The following OR1B1 variants were observed in gnomAD, a reference collection of about 807,000 sequenced individuals.
The protein encoded by OR1B1 is olfactory receptor family 1 subfamily B member 1.
For missense variants in OR1B1, 414 were observed against 402.1 expected, an observed-to-expected ratio of 1.03 and a Z score of -0.25; for synonymous variants, 168 against 156.2, an observed-to-expected ratio of 1.08 and a Z score of -0.57.
At chr9:122,629,770 C>T (rs1413415664), upstream of OR1B1, among the ~76,000 whole-genome samples, 25 of 152,126 alleles carry the variant, frequency 1.6e-4, no homozygotes, top group Non-Finnish European at 2.1e-4. Flanking sequence ...TGACTTGTTC[C>T]ATCTAATTCA....
upstream of OR1B1, chr9:122,629,668 G>GACC: frequency 1.7e-6 from 1 of 596,938 alleles, no homozygotes; most frequent in Non-Finnish European, 2.9e-6. Flanking sequence ...ATTCGAACTT[G>GACC]ACCATCTACT....
chr9:122,647,002 A>G, the OR1B1 span, among the ~76,000 whole-genome samples: 3 of 152,302 alleles, frequency 2.0e-5, no homozygotes, highest in South Asian at 6.2e-4. Context: ...TTAGGTTGTC[A>G]TAAGTTTAAA....
chr9:122,629,291 T>C, exon 1 of OR1B1: 1 of 1,614,072 alleles, frequency 6.2e-7, no homozygotes, highest in Non-Finnish European at 8.5e-7. Flanking sequence ...GGCCAGCAAC[T>C]GGGGCAGTGT....
chr9:122,633,604 A>AAAT (rs911473606), upstream of OR1B1, among the ~76,000 whole-genome samples: 31 of 152,000 alleles, frequency 2.0e-4, no homozygotes, highest in South Asian at 4.2e-4. Context: ...CTCAATAGCA[A>AAAT]AATAATAATA....
At chr9:122,636,476 C>G in the OR1B1 span, among the ~76,000 whole-genome samples, 1 of 152,112 alleles carries the variant, frequency 6.6e-6, no homozygotes, top group Non-Finnish European at 1.5e-5. Context: ...ATTAGCCGAG[C>G]CTGGTGGCAG....
At chr9:122,631,679 G>A (rs62579223), upstream of OR1B1, among the ~76,000 whole-genome samples, 12,914 of 152,198 alleles carry the variant, frequency 0.085, 672 homozygotes, top group Middle Eastern at 0.14. Flanking sequence ...ATTAACATCC[G>A]TGTGGAACAG....
the OR1B1 span, among the ~76,000 whole-genome samples, chr9:122,641,820 T>TGA: frequency 1.3e-5 from 2 of 152,160 alleles, no homozygotes; most frequent in Admixed American, 1.3e-4. Flanking sequence ...TTTCACAAGG[T>TGA]ATGCAAATTC....
At chr9:122,631,692 G>T (rs2118811045), upstream of OR1B1, among the ~76,000 whole-genome samples, 1 of 152,276 alleles carries the variant, frequency 6.6e-6, no homozygotes, top group Middle Eastern at 3.4e-3. Context: ...TGGAACAGGA[G>T]ATAAGAGCTT....
At chr9:122,629,199 C>G (rs1333735400) in exon 1 of OR1B1, 2 of 1,614,068 alleles carry the variant, frequency 1.2e-6, no homozygotes, top group Non-Finnish European at 8.5e-7. Flanking sequence ...ACAAGTGTAT[C>G]TGTAACCCCA....
chr9:122,629,066 T>C, exon 1 of OR1B1: 6 of 1,613,868 alleles, frequency 3.7e-6, no homozygotes, highest in Non-Finnish European at 4.2e-6. Flanking sequence ...CAACATGGTG[T>C]GCAGTATGGA....
At chr9:122,652,347 G>A in the OR1B1 span, among the ~76,000 whole-genome samples, 1 of 152,144 alleles carries the variant, frequency 6.6e-6, no homozygotes, top group Non-Finnish European at 1.5e-5. Context: ...CTAGTAAACA[G>A]AATCTTGAAA....
chr9:122,632,493 G>A (rs182741792), upstream of OR1B1, among the ~76,000 whole-genome samples: 267 of 152,274 alleles, frequency 1.8e-3, 1 homozygote, highest in African/African-American at 6.3e-3. Flanking sequence ...CTTTAGTGGT[G>A]ATTTCTGAGA....
upstream of OR1B1, among the ~76,000 whole-genome samples, chr9:122,632,579 C>T (rs535808044): frequency 9.2e-5 from 14 of 152,062 alleles, no homozygotes; most frequent in Non-Finnish European, 1.5e-4. Context: ...CCCCTTCCAC[C>T]GCTTCCCCCA....
the OR1B1 span, among the ~76,000 whole-genome samples, chr9:122,650,069 A>C: frequency 1.3e-5 from 1 of 75,696 alleles, no homozygotes; most frequent in African/African-American, 8.3e-5. Flanking sequence ...ATGCAGTCAT[A>C]AAAAAAAGGA....
the OR1B1 span, among the ~76,000 whole-genome samples, chr9:122,656,619 C>T: frequency 6.6e-6 from 1 of 152,196 alleles, no homozygotes; most frequent in Non-Finnish European, 1.5e-5. Flanking sequence ...TTCCTAGCCT[C>T]CAAAACCATG....
chr9:122,631,200 G>A (rs542084514), upstream of OR1B1, among the ~76,000 whole-genome samples: 327 of 149,586 alleles, frequency 2.2e-3, no homozygotes, highest in Middle Eastern at 3.5e-3. Context: ...TTTTTGAGAC[G>A]GAATCTCGTT....
exon 1 of OR1B1, chr9:122,629,239 G>C: frequency 3.1e-6 from 5 of 1,614,120 alleles, no homozygotes; most frequent in Non-Finnish European, 4.2e-6. Context: ...ACTGAGCCAA[G>C]CAGCGGGCAG....
chr9:122,630,978 T>C (rs576485244), upstream of OR1B1, among the ~76,000 whole-genome samples: 1 of 152,180 alleles, frequency 6.6e-6, no homozygotes, highest in Admixed American at 6.5e-5. Flanking sequence ...AGTGCTGGGA[T>C]TACAGGCATG....
the OR1B1 span, among the ~76,000 whole-genome samples, chr9:122,650,068 TAA>T: frequency 2.0e-5 from 3 of 151,608 alleles, no homozygotes; most frequent in South Asian, 2.1e-4. Flanking sequence ...TATGCAGTCA[TAA>T]AAAAAAGGAT....
Sources: gnomAD v4.1 joint callset for allele counts (sites outside exome capture counted in the v4.1 genomes callset) on GRCh38, gnomAD v4.1.1 for gene constraint, MANE v1.5 for transcripts, NCBI Gene and HGNC (gene_info 2026-07-23, HGNC 2026-07-21) for gene names.